CFI: variants seen among roughly 807,000 people sequenced by gnomAD.
CFI encodes the protein complement factor I.
In CFI, 66 loss-of-function variants were observed where a neutral mutation model predicts 78.8. The ratio of observed to expected loss-of-function variants is 0.84; its 90% CI spans 0.69 to 1.03. CFI has a LOEUF of 1.03. CFI is among the 50% of genes least tolerant of loss of function. CFI has a pLI of 0.00. For synonymous variants in CFI, 250 were observed against 232.6 expected (o/e 1.07, Z -0.68); for missense variants, 706 against 704.5 (o/e 1.00, Z -0.02).
At chr4:109,779,160 G>T (rs1424616944) in intron 1 of CFI, among the ~76,000 whole-genome samples, 1 of 152,080 alleles carries the variant, frequency 6.6e-6, no homozygotes, top group Non-Finnish European at 1.5e-5. Context: ...AAGAAATAAA[G>T]GGTATTCAAT....
chr4:109,749,747 C>T (rs2298750), intron 8 of CFI, 145 bp from the exon 9 acceptor site: 8,497 of 632,442 alleles, frequency 0.013, 353 homozygotes, highest in East Asian at 0.11. Flanking sequence ...ATTTTGAATG[C>T]TAAACCATAC....
intron 1 of CFI, among the ~76,000 whole-genome samples, chr4:109,790,580 TC>T (rs1402977489): frequency 2.0e-5 from 3 of 152,088 alleles, no homozygotes; most frequent in Non-Finnish European, 4.4e-5. Flanking sequence ...CTGATGCTCT[TC>T]CTCCTCCCAG....
chr4:109,787,242 T>C (rs1215549841), intron 1 of CFI, among the ~76,000 whole-genome samples: 1 of 152,146 alleles, frequency 6.6e-6, no homozygotes, highest in Non-Finnish European at 1.5e-5. Flanking sequence ...CAGCCAACTA[T>C]ATAACTGTTG....
At chr4:109,738,418 C>G (rs138945461), downstream of CFI, among the ~76,000 whole-genome samples, 165 of 152,246 alleles carry the variant, frequency 1.1e-3, no homozygotes, top group Middle Eastern at 6.8e-3. Flanking sequence ...AGCCACTTTT[C>G]TCTTTTTATC....
Position 109,766,712 on chromosome 4 carries a change from C to A in CFI, c.170G>T (p.Gly57Val). 1 of 1,614,188 alleles carries A rather than the reference C, an allele frequency of 6.2e-7. No homozygotes were observed. Among genetic ancestry groups the A allele is most frequent in the Admixed American group, 1.7e-5 (1 of 60,010 alleles). ...ATACGGTAGTTTACAAACACAGGTG[C>A]CCTCAATGCATCTCTGCCATGGCTG... ...FCQPWQRCIE[G>V]TCVCKLPYQC... The change falls in exon 2 of 13, where the codon GGC becomes GTC. Residue 57 changes from glycine (G) to valine (V), a missense_variant. Physicochemically the swap from Gly to Val is moderately radical, Grantham distance 109 (BLOSUM62 -3). Transcript: ENST00000394634.
downstream of CFI, among the ~76,000 whole-genome samples, chr4:109,739,437 A>G (rs1048853565): frequency 6.6e-6 from 1 of 152,164 alleles, no homozygotes; most frequent in African/African-American, 2.4e-5. Context: ...AGACAACCCA[A>G]TCAAAACAGA....
intron 3 of CFI, 138 bp downstream of exon 3, chr4:109,764,399 A>T: frequency 1.0e-6 from 1 of 973,352 alleles, no homozygotes; most frequent in Non-Finnish European, 1.6e-6. Context: ...TATCATCCTC[A>T]TAACAATGCT....
intron 1 of CFI, among the ~76,000 whole-genome samples, chr4:109,799,442 C>T (rs977022823): frequency 2.0e-5 from 3 of 152,132 alleles, no homozygotes; most frequent in African/African-American, 7.2e-5. Flanking sequence ...CGGGTCCCTC[C>T]CTGAGTGAGA....
chr4:109,783,812 G>GAGATATTCATATAT lies in CFI; in HGVS notation c.58-16989_58-16988insATATATGAATATCT, dbSNP rs375076885. On this transcript the variant is annotated intron_variant, in intron 1 of 12. Coordinates refer to ENST00000394634, the MANE Select transcript of CFI (RefSeq NM_000204.5). ...TTCAATGAGTGGATAAAGAAACTGT[G>GAGATATTCATATAT]ATATATATATATATATATATATGAT... Among the ~76,000 whole-genome samples the GAGATATTCATATAT allele has an allele frequency of 2.1e-4, 24 of 113,038 alleles. 1 individual carries two copies. The South Asian group carries it at 5.9e-3, about 28-fold the overall frequency. The allele number at this position is 113,038 out of a possible 152,430, so 74.2% of individuals were successfully genotyped here.
At chr4:109,781,015 G>T (rs1051798089) in intron 1 of CFI, among the ~76,000 whole-genome samples, 4 of 152,294 alleles carry the variant, frequency 2.6e-5, no homozygotes, top group African/African-American at 9.6e-5. Flanking sequence ...GGGGAGCGGG[G>T]AGGGATAGCA....
intron 1 of CFI, among the ~76,000 whole-genome samples, chr4:109,785,080 CCCCTG>C (rs1201181493): frequency 1.3e-5 from 2 of 151,994 alleles, no homozygotes; most frequent in Non-Finnish European, 2.9e-5. Context: ...TGAGATCCAC[CCCCTG>C]CCCACAAATT....
intron 1 of CFI, among the ~76,000 whole-genome samples, chr4:109,771,925 G>A (rs956833921): frequency 6.6e-6 from 1 of 152,044 alleles, no homozygotes; most frequent in Non-Finnish European, 1.5e-5. Flanking sequence ...GAAGGAGAGA[G>A]AGGGGGAAAT....
At position 109,753,131 on chromosome 4, in the gene CFI, T is replaced by C. The variant is rs11941783; in HGVS notation, c.905-628A>G. On this transcript the variant is annotated intron_variant, in intron 7 of 12. Coordinates refer to ENST00000394634, the MANE Select transcript of CFI (RefSeq NM_000204.5). ...TTATAATATATATTTATTATATAAA[T>C]AAATATTTATAATATATATTTATTA... Among the ~76,000 whole-genome samples, 236 of 87,652 alleles carry C rather than the reference T, an allele frequency of 2.7e-3. 5 individuals carry two copies. The highest frequency in any genetic ancestry group is 0.021 in the East Asian group (41 of 1,942). 57.5% of individuals were successfully genotyped at this position (87,652 alleles called of 152,430 possible).
chr4:109,741,224 A>G, intron 12 of CFI, 114 bp from the exon 13 acceptor site: 1 of 1,566,944 alleles, frequency 6.4e-7, no homozygotes, highest in Non-Finnish European at 8.6e-7. Flanking sequence ...CCTGACAGCA[A>G]TAGCATGGGC....
chr4:109,735,240 C>G, the CFI span, among the ~76,000 whole-genome samples: 6 of 151,856 alleles, frequency 4.0e-5, no homozygotes, highest in Non-Finnish European at 7.4e-5. Flanking sequence ...CAGTCATGAG[C>G]CACCGCACCC....
chr4:109,756,888 G>GAAAA (rs1726239051), intron 7 of CFI, among the ~76,000 whole-genome samples: 1 of 57,836 alleles, frequency 1.7e-5, no homozygotes, highest in African/African-American at 7.5e-5. Context: ...AAGAAAGAAA[G>GAAAA]GAAAGAAAGA....
In CFI at chr4:109,749,600, TTTC is replaced by T. The variant is rs1724898588; in HGVS notation, c.941-1_942del. 6.3e-7 allele frequency: 1 copy of T among 1,578,264 alleles called. No homozygotes were observed. Among genetic ancestry groups the T allele is most frequent in the African/African-American group, 1.3e-5 (1 of 74,266 alleles). ...GGTAATAATGATTTTATCCGTCTTC[TTTC>T]TTCAAGAAAGGAAGAGATTACATCA... On this transcript the variant is annotated splice_acceptor_variant and coding_sequence_variant, in exon 9 of 13. Coordinates refer to ENST00000394634, the MANE Select transcript of CFI (RefSeq NM_000204.5). LOFTEE classifies it high-confidence loss of function.
At chr4:109,800,386 C>A (rs75605785) in intron 1 of CFI, among the ~76,000 whole-genome samples, 1 of 114,166 alleles carries the variant, frequency 8.8e-6, no homozygotes, top group South Asian at 3.1e-4. Flanking sequence ...GGCTGGAATA[C>A]AGTGGCATGA....
chr4:109,790,848 T>C (rs538318989), intron 1 of CFI, among the ~76,000 whole-genome samples: 113 of 152,312 alleles, frequency 7.4e-4, no homozygotes, highest in Middle Eastern at 3.4e-3. Flanking sequence ...CAGTCTACCA[T>C]TGATGGGCAT....
Sources: allele counts gnomAD v4.1 joint callset (sites outside exome capture counted in the v4.1 genomes callset), GRCh38; gene constraint gnomAD v4.1.1; transcripts MANE v1.5; gene names NCBI Gene and HGNC (gene_info 2026-07-23, HGNC 2026-07-21).